The following CAV3 variants were observed in gnomAD, a reference collection of about 807,000 sequenced individuals.
CAV3 encodes the protein caveolin-3.
CAV3 carries 10 observed loss-of-function variants against 13.4 expected under a neutral mutation model. The observed-to-expected ratio is 0.75, with a 90% CI of 0.46 to 1.27. The LOEUF is 1.27. CAV3 is among the 50% of genes most tolerant of loss of function. CAV3 has a pLI of 0.00. For missense variants in CAV3, 162 were observed against 194.0 expected (o/e 0.83, Z 0.98); for synonymous variants, 90 against 79.0 (o/e 1.14, Z -0.74).
chr3:8,745,579 C>G lies in CAV3; in HGVS notation c.168C>G (p.Gly56=). 1 of 1,614,084 alleles carries G rather than the reference C, an allele frequency of 6.2e-7. No individual in the cohort carries two copies. Among genetic ancestry groups the G allele is most frequent in the Non-Finnish European group, 8.5e-7 (1 of 1,179,966 alleles). Residue 56 remains glycine, a synonymous_variant, in exon 2 of 2, where the codon GGC becomes GGG. Coordinates refer to ENST00000343849, the MANE Select transcript of CAV3 (RefSeq NM_033337.3). The surrounding 1 kb of genome is among the most constrained non-coding windows in gnomAD (Gnocchi z 4.8). The stretch of plus-strand genomic sequence containing the variant: ...CTGTGGGCACCTACAGCTTTGACGG[C>G]GTGTGGAAGGTGAGCTACACCACCT... ...AEPVGTYSFD[G]VWKVSYTTFT... is the part of the protein sequence containing the mutation.
intron 1 of CAV3, among the ~76,000 whole-genome samples, chr3:8,743,520 T>C (rs894234787): frequency 1.5e-4 from 23 of 152,346 alleles, no homozygotes; most frequent in African/African-American, 5.5e-4. Flanking sequence ...TCATCTCTGA[T>C]GAAACCTGCA....
At position 8,745,457 on chromosome 3, in the gene CAV3, G is replaced by A. The variant is rs1038496437; in HGVS notation, c.115-69G>A. On this transcript the variant is annotated intron_variant, in intron 1 of 1. Transcript: ENST00000343849. This position sits in a 1 kb window ranked among gnomAD's most constrained non-coding sequence, Gnocchi z 4.8. ...CTCTAGGGGATTCTGACACATGCAC[G>A]CACACACCCAAAAGCTTGAGAAGCG... 167 of 1,226,238 alleles carry A rather than the reference G, an allele frequency of 1.4e-4. 1 individual carries two copies. The highest frequency in any genetic ancestry group is 2.3e-4 in the South Asian group (19 of 81,050). 76.0% of individuals were successfully genotyped at this position (1,226,238 alleles called of 1,614,324 possible).
chr3:8,735,275 A>G (rs1707714391), intron 1 of CAV3, among the ~76,000 whole-genome samples: 2 of 152,246 alleles, frequency 1.3e-5, no homozygotes, highest in Non-Finnish European at 2.9e-5. Context: ...CTATATATCT[A>G]AAATAGTATT....
chr3:8,745,183 G>GCT lies in CAV3; in HGVS notation c.115-334_115-333dup. The GCT allele has an allele frequency of 3.3e-6, 1 of 307,192 alleles. No homozygotes were observed. Among genetic ancestry groups the GCT allele is most frequent in the Non-Finnish European group, 6.3e-6 (1 of 159,590 alleles). 19.0% of individuals were successfully genotyped at this position (307,192 alleles called of 1,614,324 possible). A position where few individuals can be genotyped will look rare whatever the true frequency, so the allele number is the denominator to read the frequency against. ...AGTGTGGCACTCCACCCCCTGCCCA[G>GCT]CTCTCTCTCTTGCTCCCACTCTCAC... is the stretch of plus-strand genomic sequence containing the variant. On this transcript the variant is annotated intron_variant, in intron 1 of 1. Coordinates refer to ENST00000343849, the MANE Select transcript of CAV3 (RefSeq NM_033337.3). This position sits in a 1 kb window ranked among gnomAD's most constrained non-coding sequence, Gnocchi z 4.8.
intron 1 of CAV3, among the ~76,000 whole-genome samples, chr3:8,742,804 T>G (rs1423552644): frequency 6.6e-6 from 1 of 152,128 alleles, no homozygotes; most frequent in African/African-American, 2.4e-5. Flanking sequence ...GATAGGTGGA[T>G]AGATGGATAG....
chr3:8,742,692 G>A, intron 1 of CAV3: 1 of 322,000 alleles, frequency 3.1e-6, no homozygotes, highest in Admixed American at 4.1e-5. Context: ...GTGTGCCTGG[G>A]CAAAGTGGGT....
intron 1 of CAV3, among the ~76,000 whole-genome samples, chr3:8,740,698 G>T (rs1392426542): frequency 6.6e-6 from 1 of 152,192 alleles, no homozygotes; most frequent in South Asian, 2.1e-4. Flanking sequence ...AGAGGCTGGA[G>T]GGAACTAGGA....
chr3:8,746,099 T>TG lies in CAV3; in HGVS notation c.*237dup, dbSNP rs1575478450. ...ACCATGATGCCCCCATGCCTGGGCG[T>TG]GGGGGAAGATCATTTGCCAAGAGGC... On this transcript the variant is annotated 3_prime_UTR_variant, in exon 2 of 2. Transcript: ENST00000343849. 3.9e-6 allele frequency: 2 copies of TG among 514,130 alleles called. No individual in the cohort carries two copies. Among genetic ancestry groups the TG allele is most frequent in the East Asian group, 6.1e-5 (2 of 32,620 alleles). 31.8% of individuals were successfully genotyped at this position (514,130 alleles called of 1,614,324 possible).
In CAV3 at chr3:8,745,094, C is replaced by T; in HGVS notation, c.115-432C>T. 1 of 175,240 alleles carries T rather than the reference C, an allele frequency of 5.7e-6. No homozygotes were observed. The highest frequency in any genetic ancestry group is 1.2e-5 in the Non-Finnish European group (1 of 80,788). The allele number at this position is 175,240 out of a possible 1,614,324, so 10.9% of individuals were successfully genotyped here. On this transcript the variant is annotated intron_variant, in intron 1 of 1. Transcript: ENST00000343849. This position sits in a 1 kb window ranked among gnomAD's most constrained non-coding sequence, Gnocchi z 4.8. ...AGGTGATCGGATCACAGAGGCAGAT[C>T]CCTCGTGGCTTAGTGCTGTCCTCAC...
At chr3:8,743,878 T>C (rs941198752) in intron 1 of CAV3, among the ~76,000 whole-genome samples, 2 of 152,220 alleles carry the variant, frequency 1.3e-5, no homozygotes, top group African/African-American at 4.8e-5. Context: ...CCAAGACTCT[T>C]TTCTTTTTTC....
chr3:8,734,248 C>A (rs1302841339), intron 1 of CAV3, among the ~76,000 whole-genome samples: 2 of 151,884 alleles, frequency 1.3e-5, no homozygotes, highest in Non-Finnish European at 2.9e-5. Context: ...GCAGGAGGAG[C>A]GAGTCACAAA....
rs1232546000 is a variant in CAV3, at chr3:8,745,700, T to G, written c.289T>G (p.Phe97Val). ...GGGCTTCCTGTTCGCCTGCATCTCC[T>G]TCTGCCACATCTGGGCGGTGGTGCC... ...LWGFLFACIS[F>V]CHIWAVVPCI... Residue 97 changes from phenylalanine (F) to valine (V), a missense_variant, in exon 2 of 2, where the codon TTC (phenylalanine) becomes GTC (valine). Transcript: ENST00000343849. The surrounding 1 kb of genome is among the most constrained non-coding windows in gnomAD (Gnocchi z 4.8). 1 of 1,614,084 alleles carries G rather than the reference T, an allele frequency of 6.2e-7. No homozygotes were observed. The highest frequency in any genetic ancestry group is 2.2e-5 in the East Asian group (1 of 44,884).
intron 1 of CAV3, among the ~76,000 whole-genome samples, chr3:8,744,571 T>A (rs1024084945): frequency 6.7e-5 from 10 of 149,994 alleles, no homozygotes; most frequent in African/African-American, 2.0e-4. Flanking sequence ...ATTGACTCCA[T>A]CTTACAGACA....
chr3:8,743,089 C>T (rs550689192), intron 1 of CAV3, among the ~76,000 whole-genome samples: 17 of 151,922 alleles, frequency 1.1e-4, no homozygotes, highest in African/African-American at 3.4e-4. Flanking sequence ...TGTGAACTAA[C>T]GAGCAAGAAC....
In CAV3 at chr3:8,733,939, G is replaced by A. The variant is rs1417709772; in HGVS notation, c.63G>A (p.Glu21=). Residue 21 remains glutamate, a synonymous_variant, in exon 1 of 2, where the codon GAG becomes GAA. Transcript: ENST00000343849. ...AQIVKDIHCK[E]IDLVNRDPKN... ...TCGTCAAGGATATCCACTGCAAGGA[G>A]ATTGACCTGGTGAACCGAGACCCCA... is the stretch of plus-strand genomic sequence containing the variant. 1 of 1,613,602 alleles carries A rather than the reference G, an allele frequency of 6.2e-7. No individual in the cohort carries two copies. The highest frequency in any genetic ancestry group is 1.7e-5 in the Admixed American group (1 of 60,020).
rs1252831704 is a variant in CAV3, at chr3:8,745,702, C to A, written c.291C>A (p.Phe97Leu). ...GCTTCCTGTTCGCCTGCATCTCCTT[C>A]TGCCACATCTGGGCGGTGGTGCCAT... Reference protein sequence around the residue: ...LWGFLFACISFCHIWAVVPCI... With the variant: ...LWGFLFACISLCHIWAVVPCI... The change falls in exon 2 of 2, where the codon TTC (phenylalanine) becomes TTA (leucine). Residue 97 changes from phenylalanine (F) to leucine (L), a missense_variant. Transcript: ENST00000343849. This position sits in a 1 kb window ranked among gnomAD's most constrained non-coding sequence, Gnocchi z 4.8. The A allele has an allele frequency of 1.2e-6, 2 of 1,614,216 alleles. No individual in the cohort carries two copies. Among genetic ancestry groups the A allele is most frequent in the East Asian group, 4.5e-5 (2 of 44,880 alleles).
At chr3:8,736,634 C>T (rs77964485) in intron 1 of CAV3, among the ~76,000 whole-genome samples, 7,434 of 152,290 alleles carry the variant, frequency 0.049, 295 homozygotes, top group African/African-American at 0.12. Flanking sequence ...AGCTCCAAGC[C>T]GCAGGCCTGG....
In CAV3 at chr3:8,733,984, A is replaced by G; in HGVS notation, c.108A>G (p.Ile36Met). Residue 36 changes from isoleucine to methionine, a missense_variant, in exon 1 of 2, where the codon ATA becomes ATG. Transcript: ENST00000343849. Reference sequence around the variant, plus strand: ...ACCCCAAGAACATTAACGAGGACATAGTCAAGGTAGGCTCTGCAGGCCTGC... The same window carrying G: ...ACCCCAAGAACATTAACGAGGACATGGTCAAGGTAGGCTCTGCAGGCCTGC... ...NRDPKNINED[I>M]VKVDFEDVIA... 1.9e-6 allele frequency: 3 copies of G among 1,591,614 alleles called. No homozygotes were observed. The highest frequency in any genetic ancestry group is 2.6e-6 in the Non-Finnish European group (3 of 1,159,958).
chr3:8,741,283 C>G (rs1040575624), intron 1 of CAV3, among the ~76,000 whole-genome samples: 1 of 152,174 alleles, frequency 6.6e-6, no homozygotes, highest in Admixed American at 6.5e-5. Flanking sequence ...GTTACAAGCA[C>G]CAATGTTTAT....
Sources: allele counts gnomAD v4.1 joint callset (sites outside exome capture counted in the v4.1 genomes callset), GRCh38; gene constraint gnomAD v4.1.1; non-coding constraint Gnocchi (gnomAD v3.1); transcripts MANE v1.5; gene names NCBI Gene and HGNC (gene_info 2026-07-23, HGNC 2026-07-21).